MYRIP: variants seen among roughly 807,000 people sequenced by gnomAD.
The protein encoded by MYRIP is rab effector MyRIP.
MYRIP carries 49 observed loss-of-function variants against 98.0 expected under a neutral mutation model. The ratio of observed to expected loss-of-function variants is 0.50; its 90% CI spans 0.40 to 0.63. The LOEUF (loss-of-function observed/expected upper bound fraction) is 0.63, where lower values mean the gene tolerates loss of function less well. Among genes scored for constraint, MYRIP ranks in the 30% least tolerant of loss-of-function variants. The pLI, the probability that MYRIP is intolerant of heterozygous loss-of-function variation, is 0.00. For missense variants in MYRIP, 1,004 were observed against 1,058.2 expected (o/e 0.95, Z 0.71); for synonymous variants, 404 against 409.5 (o/e 0.99, Z 0.16).
chr3:40,258,361 C>A lies in MYRIP; in HGVS notation c.*195C>A. The A allele has an allele frequency of 3.6e-6, 2 of 559,300 alleles. No homozygotes were observed. Among genetic ancestry groups the A allele is most frequent in the South Asian group, 5.3e-5 (2 of 37,832 alleles). The allele number at this position is 559,300 out of a possible 1,614,324, so 34.6% of individuals were successfully genotyped here. On this transcript the variant is annotated 3_prime_UTR_variant, in exon 17 of 17. Transcript: ENST00000302541. The stretch of plus-strand genomic sequence containing the variant: ...TCAGACTTCAGCACTGCGGTCTTGC[C>A]CACTCTCTGCCTTAGGCTCCCAGGG...
chr3:39,992,334 C>T (rs1419133994), intron 2 of MYRIP, among the ~76,000 whole-genome samples: 2 of 152,184 alleles, frequency 1.3e-5, no homozygotes, highest in African/African-American at 4.8e-5. Context: ...CCAAACTCTG[C>T]CCTCTGGAGC....
intron 4 of MYRIP, among the ~76,000 whole-genome samples, chr3:40,155,077 G>T (rs1295106169): frequency 6.6e-6 from 1 of 151,440 alleles, no homozygotes; most frequent in Non-Finnish European, 1.5e-5. Context: ...TGCCATGCTG[G>T]TGCGCTGCAC....
chr3:40,193,848 T>C (rs1309205275), intron 10 of MYRIP, among the ~76,000 whole-genome samples: 1 of 151,916 alleles, frequency 6.6e-6, no homozygotes, highest in Non-Finnish European at 1.5e-5. Flanking sequence ...CTTTTCTTCT[T>C]TCATCCATCC....
chr3:40,011,366 C>CTCTTTCTA (rs938443141), intron 2 of MYRIP, among the ~76,000 whole-genome samples: 10 of 152,150 alleles, frequency 6.6e-5, no homozygotes, highest in African/African-American at 2.4e-4. Flanking sequence ...CTTCCCTTCC[C>CTCTTTCTA]TCTTTCTATT....
At chr3:40,075,627 C>A (rs1315712606) in intron 3 of MYRIP, among the ~76,000 whole-genome samples, 1 of 152,188 alleles carries the variant, frequency 6.6e-6, no homozygotes, top group African/African-American at 2.4e-5. Context: ...ATGCTTAGAA[C>A]AGTGCCACCA....
At chr3:40,017,693 CTT>C (rs904657247) in intron 2 of MYRIP, among the ~76,000 whole-genome samples, 3,224 of 114,612 alleles carry the variant, frequency 0.028, 27 homozygotes, top group African/African-American at 0.075. Flanking sequence ...TAATTTACTT[CTT>C]TTTTTTTTTT....
chr3:39,990,485 AGCTCACT>A (rs1370816183), intron 2 of MYRIP, among the ~76,000 whole-genome samples: 3 of 152,340 alleles, frequency 2.0e-5, no homozygotes, highest in East Asian at 3.9e-4. Flanking sequence ...CAATAAAGAT[AGCTCACT>A]GCTCATAGAA....
At chr3:40,022,128 T>C (rs1947012883) in intron 2 of MYRIP, among the ~76,000 whole-genome samples, 1 of 152,204 alleles carries the variant, frequency 6.6e-6, no homozygotes, top group South Asian at 2.1e-4. Context: ...TTTATCATAA[T>C]CTCTTGCCCA....
chr3:40,203,833 A>T (rs111512889), intron 10 of MYRIP, among the ~76,000 whole-genome samples: 4 of 1,712 alleles, frequency 2.3e-3, no homozygotes, highest in South Asian at 0.037. Flanking sequence ...ATATTTATAT[A>T]TATTTATTTA....
chr3:40,205,366 T>G (rs1951763890), intron 10 of MYRIP, among the ~76,000 whole-genome samples: 1 of 152,166 alleles, frequency 6.6e-6, no homozygotes, highest in Non-Finnish European at 1.5e-5. Context: ...GGATCTACAT[T>G]CACCTTCCCT....
At chr3:39,889,229 C>T (rs1393291262) in intron 1 of MYRIP, among the ~76,000 whole-genome samples, 4 of 152,118 alleles carry the variant, frequency 2.6e-5, no homozygotes, top group Non-Finnish European at 4.4e-5. Context: ...CACATGCACA[C>T]GTATGTTTAT....
intron 3 of MYRIP, among the ~76,000 whole-genome samples, chr3:40,140,661 TG>T (rs1446958075): frequency 6.6e-6 from 1 of 152,204 alleles, no homozygotes; most frequent in Non-Finnish European, 1.5e-5. Context: ...ACATGCTAAT[TG>T]GGGTGAGATA....
In MYRIP at chr3:39,976,213, C is replaced by A. The variant is rs181944730; in HGVS notation, c.111-67837C>A. ...CAAACAAATTTAAAAGAAAAAAAAA[C>A]CCCATCAACAAGTGGGTGAAGGATA... On this transcript the variant is annotated intron_variant, in intron 2 of 16. Coordinates refer to ENST00000302541, the MANE Select transcript of MYRIP (RefSeq NM_015460.4). 6.7e-3 allele frequency among the ~76,000 whole-genome samples: 1,017 copies of A among 151,704 alleles called. 6 individuals carry two copies. Among genetic ancestry groups the A allele is most frequent in the Middle Eastern group, 0.027 (8 of 292 alleles).
intron 1 of MYRIP, among the ~76,000 whole-genome samples, chr3:39,840,468 C>T (rs1330275567): frequency 6.6e-6 from 1 of 152,140 alleles, no homozygotes. Context: ...AGCCCGTTTA[C>T]ATTTAAGGTT....
intron 2 of MYRIP, among the ~76,000 whole-genome samples, chr3:39,946,897 C>T (rs967172165): frequency 1.3e-5 from 2 of 152,002 alleles, no homozygotes; most frequent in Non-Finnish European, 2.9e-5. Context: ...AATATATCAC[C>T]CACTAGAAGA....
chr3:40,083,870 G>A (rs1302299570), intron 3 of MYRIP, among the ~76,000 whole-genome samples: 1 of 152,086 alleles, frequency 6.6e-6, no homozygotes, highest in Admixed American at 6.5e-5. Flanking sequence ...GGGCGCGGTG[G>A]CTCACGCCTG....
intron 2 of MYRIP, among the ~76,000 whole-genome samples, chr3:39,916,539 A>G (rs974841768): frequency 6.6e-6 from 1 of 152,114 alleles, no homozygotes; most frequent in Admixed American, 6.5e-5. Context: ...AATAGACACA[A>G]TGAACAAGCA....
intron 2 of MYRIP, among the ~76,000 whole-genome samples, chr3:39,927,478 C>A (rs1335276567): frequency 6.6e-6 from 1 of 151,756 alleles, no homozygotes; most frequent in Non-Finnish European, 1.5e-5. Flanking sequence ...TGTACAACCT[C>A]CCAAAATGGA....
chr3:39,838,342 G>A (rs1000593973), intron 1 of MYRIP, among the ~76,000 whole-genome samples: 1 of 152,086 alleles, frequency 6.6e-6, no homozygotes, highest in East Asian at 1.9e-4. Flanking sequence ...ATTAGCTGTG[G>A]GTTTGTCATA....
Sources: gnomAD v4.1 joint callset for allele counts (sites outside exome capture counted in the v4.1 genomes callset) on GRCh38, gnomAD v4.1.1 for gene constraint, MANE v1.5 for transcripts, NCBI Gene and HGNC (gene_info 2026-07-23, HGNC 2026-07-21) for gene names.